SLAIN1: variants seen among roughly 807,000 people sequenced by gnomAD.
The protein encoded by SLAIN1 is SLAIN motif-containing protein 1.
In SLAIN1, 17 loss-of-function variants were observed where a neutral mutation model predicts 55.4. The observed-to-expected ratio is 0.31, with a 90% CI of 0.21 to 0.46. The LOEUF (loss-of-function observed/expected upper bound fraction) is 0.46, where lower values mean the gene tolerates loss of function less well. SLAIN1 is among the 20% of genes least tolerant of loss of function. The pLI, the probability that SLAIN1 is intolerant of heterozygous loss-of-function variation, is 1.00. For missense variants in SLAIN1, 682 were observed against 785.1 expected (o/e 0.87, Z 1.57); for synonymous variants, 348 against 337.4 (o/e 1.03, Z -0.35).
chr13:77,735,601 C>T (rs1873080234), intron 2 of SLAIN1, among the ~76,000 whole-genome samples: 1 of 151,912 alleles, frequency 6.6e-6, no homozygotes, highest in Non-Finnish European at 1.5e-5. Context: ...ATTTCATAAC[C>T]CATGAATATT....
intron 2 of SLAIN1, among the ~76,000 whole-genome samples, chr13:77,730,873 A>C (rs1390209478): frequency 6.6e-6 from 1 of 152,182 alleles, no homozygotes; most frequent in African/African-American, 2.4e-5. Flanking sequence ...CTGGGAAAAC[A>C]AGCAATTAAA....
chr13:77,705,644 A>ATT (rs58920069), intron 1 of SLAIN1, among the ~76,000 whole-genome samples: 4,299 of 146,282 alleles, frequency 0.029, 192 homozygotes, highest in African/African-American at 0.099. Context: ...AGAAATACAG[A>ATT]TTTTTTTTTT....
At chr13:77,756,601 A>G (rs932670195) in intron 5 of SLAIN1, among the ~76,000 whole-genome samples, 6 of 152,154 alleles carry the variant, frequency 3.9e-5, no homozygotes, top group African/African-American at 1.4e-4. Context: ...TAGTTACCCA[A>G]CATAATGAGT....
chr13:77,753,392 T>A, intron 5 of SLAIN1, 34 bp downstream of exon 5: 1 of 1,072,148 alleles, frequency 9.3e-7, no homozygotes, highest in South Asian at 3.5e-5. Context: ...TTATATATTG[T>A]ATAATTGTAT....
In SLAIN1 at chr13:77,698,285, C is replaced by CAGAAG; in HGVS notation, c.373_374insGAAGA (p.Thr125ArgfsTer76). 2 of 1,427,608 alleles carry CAGAAG rather than the reference C, an allele frequency of 1.4e-6. No homozygotes were observed. Among genetic ancestry groups the CAGAAG allele is most frequent in the Non-Finnish European group, 1.8e-6 (2 of 1,089,842 alleles). The allele number at this position is 1,427,608 out of a possible 1,614,324, so 88.4% of individuals were successfully genotyped here. ...GTGGCTCCAGCCCCGCGTTCCCGGGCACCTTCTGCCTGCCTAGCCCCGCGC... is the reference window on the plus strand; with the variant it reads ...GTGGCTCCAGCCCCGCGTTCCCGGGCAGAAGACCTTCTGCCTGCCTAGCCCCGCGC... On this transcript the variant is annotated frameshift_variant, in exon 1 of 7. Coordinates refer to ENST00000418532, the MANE Select transcript of SLAIN1 (RefSeq NM_001242868.2). LOFTEE classifies it high-confidence loss of function. This position sits in a 1 kb window ranked among gnomAD's most constrained non-coding sequence, Gnocchi z 4.1.
chr13:77,717,438 G>A (rs1420793365), intron 1 of SLAIN1, among the ~76,000 whole-genome samples: 1 of 152,006 alleles, frequency 6.6e-6, no homozygotes, highest in Non-Finnish European at 1.5e-5. Context: ...AGTCTTCTGG[G>A]CCCAGGTTTT....
At chr13:77,755,075 T>C (rs1874499691) in intron 5 of SLAIN1, among the ~76,000 whole-genome samples, 1 of 152,134 alleles carries the variant, frequency 6.6e-6, no homozygotes, top group Admixed American at 6.6e-5. Flanking sequence ...ATTTAGCTGA[T>C]AGAAATATAC....
intron 5 of SLAIN1, among the ~76,000 whole-genome samples, chr13:77,757,802 T>C (rs971469356): frequency 1.3e-5 from 2 of 152,156 alleles, no homozygotes; most frequent in African/African-American, 4.8e-5. Context: ...TTGGTGTATA[T>C]ATACCACAGT....
chr13:77,701,101 T>C (rs2091026548), intron 1 of SLAIN1, among the ~76,000 whole-genome samples: 1 of 152,194 alleles, frequency 6.6e-6, no homozygotes, highest in Non-Finnish European at 1.5e-5. Context: ...AAAGGCATCA[T>C]TATTAGAGTA....
At chr13:77,700,851 TA>T (rs1341660493) in intron 1 of SLAIN1, among the ~76,000 whole-genome samples, 1 of 152,128 alleles carries the variant, frequency 6.6e-6, no homozygotes, top group Non-Finnish European at 1.5e-5. Flanking sequence ...ATGCTCATTG[TA>T]AAAAAACTAA....
chr13:77,699,969 GATTTAGTCC>G (rs2154409099), intron 1 of SLAIN1, among the ~76,000 whole-genome samples: 1 of 152,262 alleles, frequency 6.6e-6, no homozygotes, highest in South Asian at 2.1e-4. Context: ...ATTTTAGGTT[GATTTAGTCC>G]CTACTTAGCC....
At position 77,697,792 on chromosome 13, in the gene SLAIN1, C is replaced by T; in HGVS notation, c.-122C>T. 2 of 1,071,180 alleles carry T rather than the reference C, an allele frequency of 1.9e-6. No individual in the cohort carries two copies. Among genetic ancestry groups the T allele is most frequent in the Non-Finnish European group, 2.3e-6 (2 of 862,032 alleles). The allele number at this position is 1,071,180 out of a possible 1,614,324, so 66.4% of individuals were successfully genotyped here. A position where few individuals can be genotyped will look rare whatever the true frequency, so the allele number is the denominator to read the frequency against. On this transcript the variant is annotated 5_prime_UTR_variant, in exon 1 of 7. Coordinates refer to ENST00000418532, the MANE Select transcript of SLAIN1 (RefSeq NM_001242868.2). ...ATGCGAACCGCCGGCTCGGCCTCAG[C>T]CCGCGCGTGGTCGGCCCCCCAGGCC...
At position 77,760,899 on chromosome 13, in the gene SLAIN1, C is replaced by G. The variant is rs1211692761; in HGVS notation, c.1486C>G (p.Leu496Val). ...TTTCCCAGTGTCTATCCGACAGCCT[C>G]TTAAAGCCACAGCCTATGTGAGTCC... ...GHFPVSIRQP[L>V]KATAYVSPTV... The change falls in exon 6 of 7, where the codon CTT (leucine) becomes GTT (valine). Residue 496 changes from leucine to valine, a missense_variant. Physicochemically the swap from Leu to Val is conservative, Grantham distance 32. This residue lies in a region of SLAIN1 where 244 missense variants were observed against 295.2 expected (regional missense o/e 0.83). Coordinates refer to ENST00000418532, the MANE Select transcript of SLAIN1 (RefSeq NM_001242868.2). The G allele has an allele frequency of 1.2e-6, 2 of 1,614,194 alleles. No individual in the cohort carries two copies. Among genetic ancestry groups the G allele is most frequent in the Non-Finnish European group, 1.7e-6 (2 of 1,180,028 alleles).
Position 77,763,374 on chromosome 13 carries a change from A to G in SLAIN1, c.*154A>G. On this transcript the variant is annotated 3_prime_UTR_variant, in exon 7 of 7. Transcript: ENST00000418532. ...TTTCTCAATGGACCAGTCACCAGAG[A>G]CTAATTATTGCACTTAAATATTTGC... 1 of 612,204 alleles carries G rather than the reference A, an allele frequency of 1.6e-6. No homozygotes were observed. Among genetic ancestry groups the G allele is most frequent in the South Asian group, 2.0e-5 (1 of 49,178 alleles). The allele number at this position is 612,204 out of a possible 1,614,324, so 37.9% of individuals were successfully genotyped here. A position where few individuals can be genotyped will look rare whatever the true frequency, so the allele number is the denominator to read the frequency against.
intron 2 of SLAIN1, among the ~76,000 whole-genome samples, chr13:77,723,815 A>G (rs1262484817): frequency 1.3e-5 from 2 of 151,716 alleles, no homozygotes; most frequent in East Asian, 1.9e-4. Flanking sequence ...TGTTTTCTCT[A>G]TTCTTTCTAG....
rs1419443995 is a variant in SLAIN1 at position 77,736,927 on chromosome 13, T to C, written c.767-7356T>C. On this transcript the variant is annotated intron_variant, in intron 2 of 6. Transcript: ENST00000418532. ...TTGTTCCTTCCAGTCCCTTCTCTTT[T>C]CCTTGTGTATTTTCTCCTTGGGTGA... 2.0e-5 allele frequency among the ~76,000 whole-genome samples: 3 copies of C among 152,166 alleles called. No individual in the cohort carries two copies. The East Asian group carries it at 5.8e-4, about 29-fold the overall frequency.
chr13:77,745,618 A>G (rs1005542670), intron 3 of SLAIN1, among the ~76,000 whole-genome samples: 3 of 152,142 alleles, frequency 2.0e-5, no homozygotes, highest in Non-Finnish European at 2.9e-5. Context: ...TTCCACCAAC[A>G]TAAGTAGAAA....
intron 3 of SLAIN1, 64 bp downstream of exon 3, chr13:77,744,496 G>A: frequency 1.3e-6 from 2 of 1,599,762 alleles, no homozygotes; most frequent in Non-Finnish European, 1.7e-6. Context: ...CAGAGGGGGA[G>A]GTTCAGGCAT....
Position 77,719,540 on chromosome 13 carries a change from T to G in SLAIN1, c.635T>G (p.Ile212Ser), listed in dbSNP as rs1341073856. 1.9e-6 allele frequency: 3 copies of G among 1,612,204 alleles called. No homozygotes were observed. The highest frequency in any genetic ancestry group is 2.5e-6 in the Non-Finnish European group (3 of 1,178,886). ...RDEDDYTWLY[I>S]GSSKTFTSSE... is the part of the protein sequence containing the mutation. ...AGATTTCTTTTTTTAAGGTTATACA[T>G]TGGCTCTTCAAAGACGTTCACCTCA... Residue 212 changes from isoleucine (I) to serine (S), a missense_variant, in exon 2 of 7, where the codon ATT becomes AGT. Physicochemically the swap from Ile to Ser is moderately radical, Grantham distance 142. This residue lies in a region of SLAIN1 where 401 missense variants were observed against 417.3 expected (regional missense o/e 0.96). Transcript: ENST00000418532.
Sources: gnomAD v4.1 joint callset for allele counts (sites outside exome capture counted in the v4.1 genomes callset) on GRCh38, gnomAD v4.1.1 for gene constraint, gnomAD v4.1.1 regional missense constraint, Gnocchi (gnomAD v3.1) non-coding constraint, MANE v1.5 for transcripts, NCBI Gene and HGNC (gene_info 2026-07-23, HGNC 2026-07-21) for gene names.